Variants in FER observed in about 807,000 individuals in gnomAD.
FER encodes the protein FER tyrosine kinase.
A neutral mutation model predicts 111.0 loss-of-function variants in FER; 63 were observed. The ratio of observed to expected loss-of-function variants is 0.57; its 90% confidence interval spans 0.46 to 0.70. The LOEUF is 0.70. FER is among the 30% of genes least tolerant of loss of function. FER has a pLI of 0.00. For missense variants in FER, 914 were observed against 954.0 expected (o/e 0.96, Z 0.55); for synonymous variants, 327 against 313.9 (o/e 1.04, Z -0.44).
At chr5:109,060,873 A>G (rs1045927374) in intron 16 of FER, among the ~76,000 whole-genome samples, 10 of 151,896 alleles carry the variant, frequency 6.6e-5, no homozygotes, top group Admixed American at 5.9e-4. Context: ...GCTCATCATC[A>G]TCATCAGTAT....
At chr5:108,907,307 T>C (rs1750922120) in intron 10 of FER, among the ~76,000 whole-genome samples, 1 of 152,066 alleles carries the variant, frequency 6.6e-6, no homozygotes, top group Admixed American at 6.6e-5. Flanking sequence ...TCTTTTCTTT[T>C]TTTTTGAGAT....
intron 13 of FER, among the ~76,000 whole-genome samples, chr5:108,972,743 C>T (rs1760831535): frequency 6.6e-6 from 1 of 152,046 alleles, no homozygotes; most frequent in African/African-American, 2.4e-5. Flanking sequence ...AAAATATAAA[C>T]AAGACTCATA....
chr5:109,147,246 A>G (rs942456660), intron 17 of FER, among the ~76,000 whole-genome samples: 2 of 152,116 alleles, frequency 1.3e-5, no homozygotes, highest in East Asian at 3.9e-4. Flanking sequence ...ATACTTGTGT[A>G]CTGCAAATTG....
chr5:109,172,311 T>A (rs1423769087), intron 17 of FER, among the ~76,000 whole-genome samples: 6 of 151,260 alleles, frequency 4.0e-5, no homozygotes, highest in South Asian at 2.1e-4. Flanking sequence ...GCCATAAAAA[T>A]CGATGAGTTC....
intron 4 of FER, among the ~76,000 whole-genome samples, chr5:108,833,642 A>G (rs1170338168): frequency 2.0e-5 from 3 of 152,176 alleles, no homozygotes; most frequent in Non-Finnish European, 2.9e-5. Context: ...TGGGAGGCCG[A>G]GGAAGGCGGA....
chr5:108,994,088 A>T (rs968886176), intron 13 of FER, among the ~76,000 whole-genome samples: 1 of 152,158 alleles, frequency 6.6e-6, no homozygotes, highest in African/African-American at 2.4e-5. Context: ...GTTCACTCTG[A>T]TGATAGTTCC....
chr5:108,958,971 G>T (rs927584145), intron 12 of FER, among the ~76,000 whole-genome samples: 15 of 151,690 alleles, frequency 9.9e-5, no homozygotes, highest in African/African-American at 2.9e-4. Context: ...TCAACAATTT[G>T]AATTAGATTT....
rs563087204 is a variant in FER, at chr5:108,800,424, C to T, written c.207+2035C>T. The stretch of plus-strand genomic sequence containing the variant: ...GGAGTGCAGTGGTACAGTCATGGCT[C>T]ATTGCAGCCTTGACCACCCAGGCTC... On this transcript the variant is annotated intron_variant, in intron 3 of 19. Coordinates refer to ENST00000281092, the MANE Select transcript of FER (RefSeq NM_005246.4). Among the ~76,000 whole-genome samples, 3 of 152,152 alleles carry T rather than the reference C, an allele frequency of 2.0e-5. No homozygotes were observed. The South Asian group carries it at 6.2e-4, about 32-fold the overall frequency.
intron 1 of FER, among the ~76,000 whole-genome samples, chr5:108,754,425 A>T (rs116518065): frequency 0.066 from 10,064 of 151,468 alleles, 446 homozygotes; most frequent in South Asian, 0.086. Context: ...AAAAAAAAAA[A>T]AAAAATAGTG....
chr5:109,169,160 A>G (rs1756843757), intron 17 of FER, among the ~76,000 whole-genome samples: 2 of 152,196 alleles, frequency 1.3e-5, no homozygotes, highest in African/African-American at 4.8e-5. Flanking sequence ...TGAATATTTT[A>G]GGTAAATATT....
chr5:109,069,287 A>G (rs925350424), intron 16 of FER, among the ~76,000 whole-genome samples: 1 of 152,192 alleles, frequency 6.6e-6, no homozygotes, highest in Non-Finnish European at 1.5e-5. Flanking sequence ...GTAATAGGCA[A>G]GAGTTTGGAA....
At chr5:109,178,565 G>A (rs938412967) in intron 17 of FER, among the ~76,000 whole-genome samples, 2 of 152,164 alleles carry the variant, frequency 1.3e-5, no homozygotes, top group Non-Finnish European at 2.9e-5. Context: ...ACTAGAGTTG[G>A]GAGGTGCATA....
chr5:108,800,183 G>A (rs1257937154), intron 3 of FER, among the ~76,000 whole-genome samples: 3 of 152,030 alleles, frequency 2.0e-5, no homozygotes, highest in Non-Finnish European at 2.9e-5. Context: ...TTCCTCATAT[G>A]CTAATTAGTT....
At chr5:109,039,374 A>T (rs980765558) in intron 14 of FER, among the ~76,000 whole-genome samples, 1 of 152,128 alleles carries the variant, frequency 6.6e-6, no homozygotes, top group African/African-American at 2.4e-5. Flanking sequence ...CATGTTTTAC[A>T]GTTTCAATGA....
chr5:108,894,306 C>T, intron 9 of FER: 1 of 836,266 alleles, frequency 1.2e-6, no homozygotes. Context: ...ACTTGGGGGT[C>T]ACCAATGAAA....
intron 3 of FER, among the ~76,000 whole-genome samples, chr5:108,800,756 C>G (rs1756551357): frequency 6.6e-6 from 1 of 152,216 alleles, no homozygotes; most frequent in South Asian, 2.1e-4. Flanking sequence ...CTTAAAAAAT[C>G]TTTGCCTGGG....
intron 9 of FER, among the ~76,000 whole-genome samples, chr5:108,884,404 C>A (rs1442575119): frequency 2.7e-5 from 4 of 150,810 alleles, no homozygotes; most frequent in Non-Finnish European, 5.9e-5. Context: ...TGACATTTTT[C>A]TTCTTTTCTG....
At position 108,820,174 on chromosome 5, in the gene FER, C is replaced by G. The variant is rs1228448516; in HGVS notation, c.208-12596C>G. The stretch of plus-strand genomic sequence containing the variant: ...AGGCCATTATTGTTTTAACAGTCCT[C>G]TACTAGAGCTGGATCAACAAAGGAA... On this transcript the variant is annotated intron_variant, in intron 3 of 19. Coordinates refer to ENST00000281092, the MANE Select transcript of FER (RefSeq NM_005246.4). 7 of 985,260 alleles carry G rather than the reference C, an allele frequency of 7.1e-6. No individual in the cohort carries two copies. In the South Asian group the frequency reaches 1.4e-4, roughly 20 times the overall value. 61.0% of individuals were successfully genotyped at this position (985,260 alleles called of 1,614,324 possible).
chr5:109,067,517 A>G (rs1216873018), intron 16 of FER, among the ~76,000 whole-genome samples: 1 of 151,504 alleles, frequency 6.6e-6, no homozygotes, highest in South Asian at 2.1e-4. Context: ...TAGCTTATAC[A>G]CTGTTCTGCC....
Sources: gnomAD v4.1 joint callset for allele counts (sites outside exome capture counted in the v4.1 genomes callset) on GRCh38, gnomAD v4.1.1 for gene constraint, MANE v1.5 for transcripts, NCBI Gene and HGNC (gene_info 2026-07-23, HGNC 2026-07-21) for gene names.